Variants in HSD17B11 observed in about 807,000 individuals in gnomAD.
HSD17B11 encodes the protein estradiol 17-beta-dehydrogenase 11.
Under a neutral mutation model 27.8 loss-of-function variants are expected in HSD17B11, and 22 were observed. That is an observed-to-expected ratio of 0.79 (90% CI 0.56 to 1.13). The LOEUF (loss-of-function observed/expected upper bound fraction) is 1.13. Ranked by LOEUF, HSD17B11 falls within the 50% of genes most tolerant of loss-of-function variation. The pLI is 0.00. For missense variants in HSD17B11, 314 were observed against 351.1 expected, an observed-to-expected ratio of 0.89 and a Z score of 0.84; for synonymous variants, 117 against 132.8, an observed-to-expected ratio of 0.88 and a Z score of 0.82.
intron 2 of HSD17B11, among the ~76,000 whole-genome samples, chr4:87,375,695 C>G (rs1011590950): frequency 5.3e-5 from 8 of 152,274 alleles, no homozygotes; most frequent in East Asian, 1.9e-4. Flanking sequence ...GAGCTGAGAT[C>G]GCGCCATCGC....
rs763068482 is a variant in HSD17B11 at position 87,347,103 on chromosome 4, AT to A, written c.696-6498del. On this transcript the variant is annotated intron_variant, in intron 5 of 6. Coordinates refer to ENST00000358290, the MANE Select transcript of HSD17B11 (RefSeq NM_016245.5). Reference sequence around the variant, plus strand: ...TTTAGGGTTGTTTTTAGTATTCTGGATTTTTTTTTTTTCTTTTTTTTTTTTT... The same window carrying A: ...TTTAGGGTTGTTTTTAGTATTCTGGATTTTTTTTTTTCTTTTTTTTTTTTT... Among the ~76,000 whole-genome samples, 227 of 62,582 alleles carry A rather than the reference AT, an allele frequency of 3.6e-3. 10 individuals carry two copies. Among genetic ancestry groups the A allele is most frequent in the Middle Eastern group, 0.01 (1 of 96 alleles). The allele number at this position is 62,582 out of a possible 152,430, so 41.1% of individuals were successfully genotyped here. A position where few individuals can be genotyped will look rare whatever the true frequency, so the allele number is the denominator to read the frequency against.
At chr4:87,374,672 C>A in intron 3 of HSD17B11, 27 bp downstream of exon 3, 1 of 1,583,374 alleles carries the variant, frequency 6.3e-7, no homozygotes, top group Non-Finnish European at 8.5e-7. Flanking sequence ...TCAAAAGGAA[C>A]ATTTTTGTAA....
At chr4:87,365,126 G>A (rs566213356) in intron 4 of HSD17B11, among the ~76,000 whole-genome samples, 55 of 152,306 alleles carry the variant, frequency 3.6e-4, no homozygotes, top group Admixed American at 1.0e-3. Context: ...CCAAGATCAT[G>A]CCACTGCACT....
chr4:87,357,538 G>C, intron 4 of HSD17B11, 122 bp from the exon 5 acceptor site: 1 of 817,146 alleles, frequency 1.2e-6, no homozygotes, highest in Non-Finnish European at 1.8e-6. Flanking sequence ...CCCCAGCCCA[G>C]AGCTACTGCA....
At chr4:87,337,471 T>C in intron 6 of HSD17B11, 105 bp from the exon 7 acceptor site, 1 of 674,596 alleles carries the variant, frequency 1.5e-6, no homozygotes, top group Non-Finnish European at 2.6e-6. Context: ...GTCATGTTCA[T>C]GTTAAATAAG....
chr4:87,388,222 A>C (rs1236189265), intron 1 of HSD17B11, among the ~76,000 whole-genome samples: 2 of 151,960 alleles, frequency 1.3e-5, no homozygotes, highest in East Asian at 3.8e-4. Flanking sequence ...ATATCTAAGT[A>C]ATTATCATTT....
intron 2 of HSD17B11, among the ~76,000 whole-genome samples, chr4:87,379,652 T>C (rs1053266744): frequency 3.4e-5 from 5 of 145,336 alleles, no homozygotes; most frequent in Admixed American, 2.8e-4. Flanking sequence ...TATGTATATG[T>C]ATGTATATTA....
intron 4 of HSD17B11, among the ~76,000 whole-genome samples, chr4:87,368,153 TA>T (rs1218040283): frequency 6.6e-6 from 1 of 152,000 alleles, no homozygotes; most frequent in Non-Finnish European, 1.5e-5. Context: ...CCGTCTCTAC[TA>T]AAAATACAAA....
intron 2 of HSD17B11, 49 bp from the exon 3 acceptor site, chr4:87,374,879 T>G: frequency 8.4e-5 from 108 of 1,291,010 alleles, no homozygotes; most frequent in Middle Eastern, 2.7e-4. Flanking sequence ...GGTATGAGGG[T>G]AAGTTTATAC....
intron 5 of HSD17B11, among the ~76,000 whole-genome samples, chr4:87,345,433 C>T (rs1424249001): frequency 6.6e-6 from 1 of 150,762 alleles, no homozygotes; most frequent in Non-Finnish European, 1.5e-5. Context: ...TAAAAACAAA[C>T]CCAAAGCAAG....
chr4:87,384,485 A>G (rs1167451179), intron 1 of HSD17B11, among the ~76,000 whole-genome samples: 1 of 152,232 alleles, frequency 6.6e-6, no homozygotes, highest in Non-Finnish European at 1.5e-5. Context: ...CAGACAGCCT[A>G]TAAACGGATG....
intron 5 of HSD17B11, among the ~76,000 whole-genome samples, chr4:87,342,392 A>C (rs941214605): frequency 6.6e-6 from 1 of 151,880 alleles, no homozygotes; most frequent in African/African-American, 2.4e-5. Flanking sequence ...AAAAAAAAAA[A>C]AAAAAAAGAA....
chr4:87,377,921 A>G (rs1337242546), intron 2 of HSD17B11, among the ~76,000 whole-genome samples: 1 of 152,194 alleles, frequency 6.6e-6, no homozygotes, highest in Non-Finnish European at 1.5e-5. Context: ...TGAGACAGCA[A>G]TTCTTATATG....
chr4:87,339,510 A>C (rs982143895), intron 6 of HSD17B11, among the ~76,000 whole-genome samples: 2 of 152,154 alleles, frequency 1.3e-5, no homozygotes, highest in African/African-American at 4.8e-5. Flanking sequence ...TTTTAAATAG[A>C]CTTCCCAAGT....
In HSD17B11 at chr4:87,391,158, G is replaced by A; in HGVS notation, c.-88C>T. The A allele has an allele frequency of 1.1e-6, 1 of 928,928 alleles. No homozygotes were observed. Among genetic ancestry groups the A allele is most frequent in the South Asian group, 1.6e-5 (1 of 62,860 alleles). 57.5% of individuals were successfully genotyped at this position (928,928 alleles called of 1,614,324 possible). A position where few individuals can be genotyped will look rare whatever the true frequency, so the allele number is the denominator to read the frequency against. On this transcript the variant is annotated 5_prime_UTR_variant, in exon 1 of 7. Transcript: ENST00000358290. ...TAGAGGGTAGCTCGATCTAACACCAGAAAGAGTAGGGGCGAGAGCAAGGAG... is the reference window on the plus strand; with the variant it reads ...TAGAGGGTAGCTCGATCTAACACCAAAAAGAGTAGGGGCGAGAGCAAGGAG...
intron 5 of HSD17B11, among the ~76,000 whole-genome samples, chr4:87,355,587 G>A (rs1432521156): frequency 3.3e-5 from 5 of 152,032 alleles, no homozygotes; most frequent in Non-Finnish European, 1.5e-5. Flanking sequence ...ATGAAGAATT[G>A]TTTCTTATGT....
At chr4:87,354,182 G>C (rs1012441158) in intron 5 of HSD17B11, among the ~76,000 whole-genome samples, 7 of 152,062 alleles carry the variant, frequency 4.6e-5, no homozygotes, top group African/African-American at 1.7e-4. Context: ...TTGGCTTTCT[G>C]TTCTGCTTCC....
rs560809315 is a variant in HSD17B11 at position 87,343,814 on chromosome 4, C to T, written c.696-3208G>A. On this transcript the variant is annotated intron_variant, in intron 5 of 6. Transcript: ENST00000358290. ...CTGCCTGTCTTGGCCTCCCAAAGTGCTGGGATTACAGGCGTGAGCCACTGT... is the reference window on the plus strand; with the variant it reads ...CTGCCTGTCTTGGCCTCCCAAAGTGTTGGGATTACAGGCGTGAGCCACTGT... 2.0e-5 allele frequency among the ~76,000 whole-genome samples: 3 copies of T among 152,250 alleles called. No homozygotes were observed. In the East Asian group the frequency reaches 5.8e-4, roughly 29 times the overall value.
intron 5 of HSD17B11, among the ~76,000 whole-genome samples, chr4:87,346,671 T>G (rs1427373139): frequency 6.6e-6 from 1 of 152,064 alleles, no homozygotes; most frequent in Non-Finnish European, 1.5e-5. Context: ...ATTAAATGAA[T>G]GAAAATATTA....
Sources: gnomAD v4.1 joint callset for allele counts (sites outside exome capture counted in the v4.1 genomes callset) on GRCh38, gnomAD v4.1.1 for gene constraint, MANE v1.5 for transcripts, NCBI Gene and HGNC (gene_info 2026-07-23, HGNC 2026-07-21) for gene names.